Variants in NRDC observed in about 807,000 individuals in gnomAD.
The protein encoded by NRDC is nardilysin convertase, also known as nardilysin.
NRDC carries 54 observed loss-of-function variants against 147.1 expected under a neutral mutation model. The observed-to-expected ratio is 0.37, with a 90% CI of 0.29 to 0.46. The LOEUF (loss-of-function observed/expected upper bound fraction) is 0.46. Ranked by LOEUF, NRDC falls within the 20% of genes least tolerant of loss-of-function variation. The pLI is 1.00. For missense variants in NRDC, 1,082 were observed against 1,370.6 expected (o/e 0.79, Z 3.33); for synonymous variants, 440 against 482.1 (o/e 0.91, Z 1.14).
chr1:51,810,570 A>G (rs1679669975), intron 15 of NRDC, among the ~76,000 whole-genome samples, 166 bp from the exon 16 acceptor site: 2 of 152,356 alleles, frequency 1.3e-5, no homozygotes, highest in Non-Finnish European at 2.9e-5. Flanking sequence ...GTGTTTCAAA[A>G]ACTTTTTTCC....
chr1:51,834,719 A>T (rs1680866943), intron 3 of NRDC, among the ~76,000 whole-genome samples: 1 of 152,210 alleles, frequency 6.6e-6, no homozygotes. Flanking sequence ...GAAAGATAAG[A>T]CGAACATATA....
intron 24 of NRDC, 53 bp downstream of exon 24, chr1:51,794,419 C>T (rs1456416206): frequency 1.9e-6 from 3 of 1,585,766 alleles, no homozygotes; most frequent in Non-Finnish European, 2.6e-6. Flanking sequence ...GTCACGGGGT[C>T]CCTGATCCCC....
chr1:51,860,098 T>G (rs1052829985), intron 1 of NRDC: 1 of 170,682 alleles, frequency 5.9e-6, no homozygotes, highest in Non-Finnish European at 1.3e-5. Context: ...CTGATGGATT[T>G]ATGCTGCCAG....
chr1:51,794,325 A>G, intron 24 of NRDC, 147 bp downstream of exon 24: 1 of 738,846 alleles, frequency 1.4e-6, no homozygotes, highest in Non-Finnish European at 2.3e-6. Flanking sequence ...TACCAACAGG[A>G]GCAATTTTTA....
chr1:51,829,841 T>C (rs1680621779), intron 4 of NRDC, among the ~76,000 whole-genome samples: 2 of 151,920 alleles, frequency 1.3e-5, no homozygotes, highest in South Asian at 2.1e-4. Flanking sequence ...AACTTGTCCA[T>C]GACATTTTCA....
Position 51,814,692 on chromosome 1 carries a change from C to T in NRDC, c.1560+1G>A. Reference sequence around the variant, plus strand: ...AAAACAACTGAATTTGAATTATTTACCTCATAAAAATGTTCATAACCCTCA... The same window carrying T: ...AAAACAACTGAATTTGAATTATTTATCTCATAAAAATGTTCATAACCCTCA... On this transcript the variant is annotated splice_donor_variant, in intron 12 of 30. Coordinates refer to ENST00000352171, the MANE Select transcript of NRDC (RefSeq NM_001101662.2). LOFTEE classifies it high-confidence loss of function. 6.2e-7 allele frequency: 1 copy of T among 1,606,418 alleles called. No individual in the cohort carries two copies. Among genetic ancestry groups the T allele is most frequent in the Non-Finnish European group, 8.5e-7 (1 of 1,175,486 alleles).
At chr1:51,872,745 G>C (rs979167129) in intron 1 of NRDC, among the ~76,000 whole-genome samples, 2 of 152,136 alleles carry the variant, frequency 1.3e-5, no homozygotes, top group South Asian at 4.1e-4. Flanking sequence ...CTAAGGAATA[G>C]TAAGAGACAA....
chr1:51,801,568 G>A (rs964684077), intron 20 of NRDC, among the ~76,000 whole-genome samples: 4 of 151,900 alleles, frequency 2.6e-5, no homozygotes, highest in African/African-American at 4.8e-5. Flanking sequence ...AATTTTAGTG[G>A]TATATGAGGT....
intron 22 of NRDC, 83 bp downstream of exon 22, chr1:51,798,166 G>T: frequency 7.1e-7 from 1 of 1,402,468 alleles, no homozygotes; most frequent in Non-Finnish European, 9.9e-7. Flanking sequence ...CAAAACTACA[G>T]CTTCCCCTTT....
intron 2 of NRDC, among the ~76,000 whole-genome samples, chr1:51,839,301 A>G (rs1681148531): frequency 6.6e-6 from 1 of 151,532 alleles, no homozygotes; most frequent in Non-Finnish European, 1.5e-5. Flanking sequence ...AGCTGGAACC[A>G]CAGGCATGTG....
chr1:51,815,127 C>T (rs1482764550), intron 11 of NRDC, among the ~76,000 whole-genome samples: 3 of 150,306 alleles, frequency 2.0e-5, no homozygotes, highest in African/African-American at 7.4e-5. Context: ...TTGAAGAGAA[C>T]AGCACAAAAT....
intron 2 of NRDC, chr1:51,837,629 G>T: frequency 6.7e-6 from 10 of 1,488,980 alleles, no homozygotes; most frequent in Non-Finnish European, 9.1e-6. Context: ...TGCTAGAAAA[G>T]AAATTCATAC....
intron 2 of NRDC, chr1:51,837,660 A>G: frequency 6.9e-7 from 1 of 1,456,646 alleles, no homozygotes; most frequent in Non-Finnish European, 9.2e-7. Context: ...TCTACCTAAA[A>G]AATTCAGACC....
Position 51,811,996 on chromosome 1 carries a change from C to G in NRDC, c.1777G>C (p.Glu593Gln). 1 of 1,609,066 alleles carries G rather than the reference C, an allele frequency of 6.2e-7. No individual in the cohort carries two copies. Among genetic ancestry groups the G allele is most frequent in the Non-Finnish European group, 8.5e-7 (1 of 1,175,432 alleles). Residue 593 changes from glutamate (E) to glutamine (Q), a missense_variant and splice_region_variant, in exon 15 of 31, where the codon GAA (glutamate) becomes CAA (glutamine). Coordinates refer to ENST00000352171, the MANE Select transcript of NRDC (RefSeq NM_001101662.2). ...GDQLLFEYKPEVIGEALNQLV... is the reference protein window; with the variant it reads ...GDQLLFEYKPQVIGEALNQLV... ...TTTAGACGTATAAACCTCCTTACTT[C>G]TGGCTTGTATTCAAAAAGAAGCTGA...
At position 51,834,011 on chromosome 1, in the gene NRDC, A is replaced by G; in HGVS notation, c.866+6T>C. 1.2e-6 allele frequency: 2 copies of G among 1,611,504 alleles called. No homozygotes were observed. Among genetic ancestry groups the G allele is most frequent in the Middle Eastern group, 1.7e-4 (1 of 6,056 alleles). ...TTAAAATTAAAGTATATTTAGAGTTAGTTACCTATCAAGAGCTTCCTTGAA... is the reference window on the plus strand; with the variant it reads ...TTAAAATTAAAGTATATTTAGAGTTGGTTACCTATCAAGAGCTTCCTTGAA... On this transcript the variant is annotated splice_donor_region_variant and intron_variant, in intron 4 of 30. Coordinates refer to ENST00000352171, the MANE Select transcript of NRDC (RefSeq NM_001101662.2).
At chr1:51,848,118 C>T (rs1027615681) in intron 1 of NRDC, among the ~76,000 whole-genome samples, 1 of 152,170 alleles carries the variant, frequency 6.6e-6, no homozygotes, top group African/African-American at 2.4e-5. Flanking sequence ...TTTATCGTCA[C>T]TACTATTCAA....
chr1:51,794,377 A>G, intron 24 of NRDC, 95 bp downstream of exon 24: 1 of 1,242,924 alleles, frequency 8.0e-7, no homozygotes, highest in Non-Finnish European at 1.1e-6. Flanking sequence ...CAAGCATGAA[A>G]CTACAGAAGT....
chr1:51,801,421 G>A (rs541380267), intron 20 of NRDC: 2 of 152,114 alleles, frequency 1.3e-5, no homozygotes, highest in Non-Finnish European at 2.9e-5. Flanking sequence ...ATACTCCGGA[G>A]GAGTTGGGAC....
At chr1:51,809,963 C>G (rs556085867) in intron 16 of NRDC, among the ~76,000 whole-genome samples, 1 of 151,920 alleles carries the variant, frequency 6.6e-6, no homozygotes, top group Non-Finnish European at 1.5e-5. Context: ...TACCCAGACC[C>G]TCTGACTCAG....
Sources: allele counts gnomAD v4.1 joint callset (sites outside exome capture counted in the v4.1 genomes callset), GRCh38; gene constraint gnomAD v4.1.1; transcripts MANE v1.5; gene names NCBI Gene and HGNC (gene_info 2026-07-23, HGNC 2026-07-21).